IMMP2L: variants seen among roughly 807,000 people sequenced by gnomAD.
The protein encoded by IMMP2L is mitochondrial inner membrane protease subunit 2.
Under a neutral mutation model 19.3 loss-of-function variants are expected in IMMP2L, and 18 were observed. The observed-to-expected ratio is 0.93, with a 90% CI of 0.64 to 1.38. The LOEUF (loss-of-function observed/expected upper bound fraction) is 1.38. Among genes scored for constraint, IMMP2L ranks in the 40% most tolerant of loss-of-function variants. IMMP2L has a pLI of 0.00. For synonymous variants in IMMP2L, 76 were observed against 73.0 expected (o/e 1.04, Z -0.21); for missense variants, 233 against 218.2 (o/e 1.07, Z -0.43).
At chr7:110,945,762 TCC>T (rs879791387) in intron 4 of IMMP2L, among the ~76,000 whole-genome samples, 115 of 152,212 alleles carry the variant, frequency 7.6e-4, no homozygotes, top group Non-Finnish European at 7.5e-4. Context: ...GGAAATGAAC[TCC>T]TAAAGAAACA....
At chr7:111,384,224 G>T (rs977465647) in intron 3 of IMMP2L, among the ~76,000 whole-genome samples, 1 of 104,080 alleles carries the variant, frequency 9.6e-6, no homozygotes, top group East Asian at 2.2e-4. Flanking sequence ...GAGGAGAGAG[G>T]AGAAAGGAGA....
chr7:110,824,875 A>G (rs552577458), intron 5 of IMMP2L, among the ~76,000 whole-genome samples: 1 of 152,296 alleles, frequency 6.6e-6, no homozygotes, highest in Admixed American at 6.5e-5. Context: ...AAAGATTGAC[A>G]TTTAATAAAA....
intron 5 of IMMP2L, among the ~76,000 whole-genome samples, chr7:110,706,826 C>A (rs949806509): frequency 6.6e-6 from 1 of 151,912 alleles, no homozygotes; most frequent in African/African-American, 2.4e-5. Context: ...GTTTCTTTTG[C>A]TGTGCAGATG....
chr7:111,473,601 G>C (rs1330002721), intron 3 of IMMP2L, among the ~76,000 whole-genome samples: 1 of 152,074 alleles, frequency 6.6e-6, no homozygotes, highest in Admixed American at 6.6e-5. Context: ...TGACATTGTT[G>C]GTGTTTATGT....
chr7:110,950,993 G>C (rs954499153), intron 4 of IMMP2L, among the ~76,000 whole-genome samples: 2 of 151,086 alleles, frequency 1.3e-5, no homozygotes, highest in South Asian at 2.1e-4. Flanking sequence ...AATGAACCTC[G>C]ACAGTATTAT....
intron 3 of IMMP2L, among the ~76,000 whole-genome samples, chr7:111,410,617 T>A (rs1040726437): frequency 1.3e-5 from 2 of 150,522 alleles, no homozygotes; most frequent in South Asian, 4.2e-4. Context: ...TTAACAAAGA[T>A]AACAAAATTA....
At chr7:110,821,855 G>A (rs1471725092) in intron 5 of IMMP2L, among the ~76,000 whole-genome samples, 1 of 152,054 alleles carries the variant, frequency 6.6e-6, no homozygotes, top group African/African-American at 2.4e-5. Flanking sequence ...CCCAGTAGGT[G>A]GAGGTTGCAG....
intron 3 of IMMP2L, among the ~76,000 whole-genome samples, chr7:111,298,704 C>T (rs1821886762): frequency 6.8e-6 from 1 of 147,506 alleles, no homozygotes; most frequent in South Asian, 2.2e-4. Context: ...TACAGTGAGC[C>T]AAGATCGTGC....
chr7:111,141,655 T>G (rs1369515069), intron 3 of IMMP2L, among the ~76,000 whole-genome samples: 1 of 152,162 alleles, frequency 6.6e-6, no homozygotes, highest in African/African-American at 2.4e-5. Flanking sequence ...CATTGGCATT[T>G]TAGTGACATT....
chr7:111,095,062 T>C lies in IMMP2L; in HGVS notation c.240-131497A>G, dbSNP rs2129578524. Reference sequence around the variant, plus strand: ...ATACACCTGCTTGCTATTATGTTAATTCATCTTTAGGCCATAATAAGGGAA... The same window carrying C: ...ATACACCTGCTTGCTATTATGTTAACTCATCTTTAGGCCATAATAAGGGAA... On this transcript the variant is annotated intron_variant, in intron 3 of 5. Coordinates refer to ENST00000405709, the MANE Select transcript of IMMP2L (RefSeq NM_032549.4). Among the ~76,000 whole-genome samples, 2 of 152,174 alleles carry C rather than the reference T, an allele frequency of 1.3e-5. 1 individual carries two copies. The highest frequency in any genetic ancestry group is 4.1e-4 in the South Asian group (2 of 4,828).
intron 4 of IMMP2L, among the ~76,000 whole-genome samples, chr7:110,937,135 G>A (rs1816207203): frequency 6.6e-6 from 1 of 152,140 alleles, no homozygotes; most frequent in Non-Finnish European, 1.5e-5. Flanking sequence ...AAACCACCAT[G>A]GCACGTGTAC....
chr7:110,889,795 G>A (rs1810604979), intron 4 of IMMP2L, among the ~76,000 whole-genome samples: 1 of 152,192 alleles, frequency 6.6e-6, no homozygotes, highest in Non-Finnish European at 1.5e-5. Context: ...ACAAGTTGAT[G>A]AAACTCTGTG....
chr7:111,492,593 A>T (rs1325253972), intron 2 of IMMP2L, among the ~76,000 whole-genome samples: 1 of 152,168 alleles, frequency 6.6e-6, no homozygotes, highest in Non-Finnish European at 1.5e-5. Flanking sequence ...AACAATGGGG[A>T]TAGAAAAATC....
At chr7:111,444,297 T>G (rs1210330338) in intron 3 of IMMP2L, among the ~76,000 whole-genome samples, 1 of 152,168 alleles carries the variant, frequency 6.6e-6, no homozygotes, top group East Asian at 1.9e-4. Flanking sequence ...TATATGTATA[T>G]GCACACACAT....
intron 3 of IMMP2L, among the ~76,000 whole-genome samples, chr7:111,299,285 C>T (rs556481995): frequency 1.1e-4 from 16 of 152,112 alleles, no homozygotes; most frequent in African/African-American, 3.6e-4. Context: ...AAATAATGTA[C>T]CACAAAATTG....
chr7:110,823,013 T>C (rs535846773), intron 5 of IMMP2L, among the ~76,000 whole-genome samples: 70 of 152,190 alleles, frequency 4.6e-4, no homozygotes, highest in Non-Finnish European at 7.2e-4. Context: ...GCTCACTAAA[T>C]AAAATCCTAT....
chr7:111,107,701 A>G (rs1798704848), intron 3 of IMMP2L, among the ~76,000 whole-genome samples: 1 of 152,130 alleles, frequency 6.6e-6, no homozygotes. Flanking sequence ...TTAAATGTCA[A>G]GGCCACAGAT....
At position 111,460,215 on chromosome 7, in the gene IMMP2L, A is replaced by G. The variant is rs117649492; in HGVS notation, c.239+27023T>C. 5.1e-3 allele frequency among the ~76,000 whole-genome samples: 773 copies of G among 152,262 alleles called. 10 individuals are homozygous for G. Among genetic ancestry groups the G allele is most frequent in the Middle Eastern group, 0.024 (7 of 294 alleles). ...AAATGCAATAAACAAACTAAACAGA[A>G]TAAGCACACAACTACTTGGGCACTC... On this transcript the variant is annotated intron_variant, in intron 3 of 5. Coordinates refer to ENST00000405709, the MANE Select transcript of IMMP2L (RefSeq NM_032549.4).
intron 3 of IMMP2L, among the ~76,000 whole-genome samples, chr7:111,016,870 CATATAATATATATTAT>C (rs1280168340): frequency 1.1e-4 from 8 of 75,404 alleles, no homozygotes; most frequent in Middle Eastern, 0.013. Context: ...TAATATATTA[CATATAATATATATTAT>C]ATATAATATA....
Sources: gnomAD v4.1 joint callset for allele counts (sites outside exome capture counted in the v4.1 genomes callset) on GRCh38, gnomAD v4.1.1 for gene constraint, MANE v1.5 for transcripts, NCBI Gene and HGNC (gene_info 2026-07-23, HGNC 2026-07-21) for gene names.